Variants in IKZF3 observed in about 807,000 individuals in gnomAD.
IKZF3 encodes zinc finger protein Aiolos.
Under a neutral mutation model 49.0 loss-of-function variants are expected in IKZF3, and 10 were observed. The ratio of observed to expected loss-of-function variants is 0.20; its 90% CI spans 0.13 to 0.35. The LOEUF (loss-of-function observed/expected upper bound fraction) is 0.35, where lower values mean the gene tolerates loss of function less well. IKZF3 is among the 10% of genes least tolerant of loss of function. IKZF3 has a pLI of 1.00. For synonymous variants in IKZF3, 209 were observed against 228.2 expected, an observed-to-expected ratio of 0.92 and a Z score of 0.76; for missense variants, 498 against 664.8, an observed-to-expected ratio of 0.75 and a Z score of 2.76.
intron 3 of IKZF3, among the ~76,000 whole-genome samples, chr17:39,823,850 A>C (rs1396606740): frequency 6.6e-6 from 1 of 152,228 alleles, no homozygotes; most frequent in Non-Finnish European, 1.5e-5. Flanking sequence ...TCCAGACAGA[A>C]GTTCGCTACA....
chr17:39,835,764 G>C, intron 1 of IKZF3: 1 of 514,706 alleles, frequency 1.9e-6, no homozygotes, highest in Non-Finnish European at 3.8e-6. Flanking sequence ...TTGCCATCCA[G>C]GTAAGACTCC....
At chr17:39,829,271 T>G (rs2062039209) in intron 3 of IKZF3, 116 bp downstream of exon 3, 2 of 654,160 alleles carry the variant, frequency 3.1e-6, no homozygotes, top group African/African-American at 1.8e-5. Flanking sequence ...CAAAACAGAA[T>G]CACTCCTAAC....
chr17:39,806,636 T>TG (rs34860387), intron 3 of IKZF3, among the ~76,000 whole-genome samples: 3,605 of 152,238 alleles, frequency 0.024, 60 homozygotes, highest in Non-Finnish European at 0.037. Context: ...CCGTTGCTGG[T>TG]GGGAGTGTAA....
intron 1 of IKZF3, among the ~76,000 whole-genome samples, chr17:39,841,721 T>C (rs996578247): frequency 6.6e-6 from 1 of 152,106 alleles, no homozygotes; most frequent in African/African-American, 2.4e-5. Context: ...GAAGTGGATG[T>C]ACTGGCATGA....
chr17:39,839,883 C>T (rs1270897205), intron 1 of IKZF3, among the ~76,000 whole-genome samples: 2 of 152,196 alleles, frequency 1.3e-5, no homozygotes, highest in Non-Finnish European at 2.9e-5. Flanking sequence ...TGGTCTCAAA[C>T]TCCTGGCCTT....
At chr17:39,780,729 A>G (rs1278280607) in intron 6 of IKZF3, among the ~76,000 whole-genome samples, 1 of 151,888 alleles carries the variant, frequency 6.6e-6, no homozygotes, top group Non-Finnish European at 1.5e-5. Context: ...GCACTAGCCC[A>G]TAGTCCCAGC....
rs1023517737 is a variant in IKZF3, at chr17:39,758,270, T to A, written c.*7520A>T. 6.6e-6 allele frequency: 1 copy of A among 152,228 alleles called. No individual in the cohort carries two copies. Among genetic ancestry groups the A allele is most frequent in the Non-Finnish European group, 1.5e-5 (1 of 68,038 alleles). 9.4% of individuals were successfully genotyped at this position (152,228 alleles called of 1,614,324 possible). On this transcript the variant is annotated 3_prime_UTR_variant, in exon 8 of 8. Coordinates refer to ENST00000346872, the MANE Select transcript of IKZF3 (RefSeq NM_012481.5). The stretch of plus-strand genomic sequence containing the variant: ...TCTGGGTGAAGGGATGTCTGCTTTG[T>A]AAATGACCTGCTAATTCTTTGCAAC...
intron 3 of IKZF3, among the ~76,000 whole-genome samples, chr17:39,796,889 G>C (rs1598035430): frequency 6.6e-6 from 1 of 150,590 alleles, no homozygotes; most frequent in Non-Finnish European, 1.5e-5. Flanking sequence ...GGTGGTCCAG[G>C]AGCGGTGGCT....
intron 3 of IKZF3, among the ~76,000 whole-genome samples, chr17:39,827,133 G>T (rs966652632): frequency 1.3e-5 from 2 of 152,116 alleles, no homozygotes; most frequent in African/African-American, 4.8e-5. Flanking sequence ...CAGTAGCTGG[G>T]ATTACACGTG....
chr17:39,845,511 A>G (rs2062605224), intron 1 of IKZF3, among the ~76,000 whole-genome samples: 1 of 151,706 alleles, frequency 6.6e-6, no homozygotes, highest in Non-Finnish European at 1.5e-5. Flanking sequence ...GCAACAGGCC[A>G]AGGCTCTGTC....
At chr17:39,810,761 T>C (rs2061533431) in intron 3 of IKZF3, among the ~76,000 whole-genome samples, 2 of 152,360 alleles carry the variant, frequency 1.3e-5, no homozygotes, top group South Asian at 2.1e-4. Flanking sequence ...ATATTATAAT[T>C]TGATCAATAA....
chr17:39,857,600 C>T (rs1268926256), intron 1 of IKZF3, among the ~76,000 whole-genome samples: 1 of 152,166 alleles, frequency 6.6e-6, no homozygotes, highest in Admixed American at 6.5e-5. Context: ...TTAGCCAATA[C>T]TTCAATCTCT....
intron 1 of IKZF3, among the ~76,000 whole-genome samples, chr17:39,847,292 G>A (rs1046386520): frequency 2.0e-5 from 3 of 151,976 alleles, no homozygotes; most frequent in Admixed American, 6.6e-5. Context: ...CCCTATAACC[G>A]ATGAAATTAG....
chr17:39,860,580 G>A (rs1598244623), intron 1 of IKZF3, among the ~76,000 whole-genome samples: 1 of 152,154 alleles, frequency 6.6e-6, no homozygotes, highest in Non-Finnish European at 1.5e-5. Context: ...GCAGCTGGAG[G>A]CCATTATTCT....
At chr17:39,857,162 T>C (rs1450314770) in intron 1 of IKZF3, among the ~76,000 whole-genome samples, 4 of 152,158 alleles carry the variant, frequency 2.6e-5, no homozygotes, top group African/African-American at 4.8e-5. Flanking sequence ...AAATGACTAG[T>C]TGTTATATAT....
intron 1 of IKZF3, among the ~76,000 whole-genome samples, chr17:39,839,799 A>G (rs1568046803): frequency 6.6e-6 from 1 of 151,906 alleles, no homozygotes; most frequent in Admixed American, 6.6e-5. Flanking sequence ...AGCTGGGACT[A>G]CAGGTAGGTG....
intron 3 of IKZF3, among the ~76,000 whole-genome samples, chr17:39,817,149 T>C (rs541490486): frequency 4.3e-4 from 65 of 152,328 alleles, no homozygotes; most frequent in Non-Finnish European, 8.2e-4. Context: ...AGTGTTTCCA[T>C]CAGGGTGTGA....
chr17:39,850,922 A>G (rs530628833), intron 1 of IKZF3, among the ~76,000 whole-genome samples: 69 of 135,004 alleles, frequency 5.1e-4, no homozygotes, highest in African/African-American at 1.2e-3. Flanking sequence ...TTATATATAC[A>G]TATATTATAT....
intron 1 of IKZF3, among the ~76,000 whole-genome samples, chr17:39,846,501 T>C (rs1288208333): frequency 6.6e-6 from 1 of 151,382 alleles, no homozygotes; most frequent in African/African-American, 2.4e-5. Context: ...TTTTTTTTTT[T>C]TTTTTCAGAG....
Sources: allele counts gnomAD v4.1 joint callset (sites outside exome capture counted in the v4.1 genomes callset), GRCh38; gene constraint gnomAD v4.1.1; transcripts MANE v1.5; gene names NCBI Gene and HGNC (gene_info 2026-07-23, HGNC 2026-07-21).